NR3C2: variants seen among roughly 807,000 people sequenced by gnomAD.
NR3C2 encodes the protein mineralocorticoid receptor.
A neutral mutation model predicts 86.4 loss-of-function variants in NR3C2; 15 were observed. The observed-to-expected ratio is 0.17, with a 90% CI of 0.12 to 0.27. The LOEUF (loss-of-function observed/expected upper bound fraction) is 0.27. NR3C2 is among the 10% of genes least tolerant of loss of function. The pLI, the probability that NR3C2 is intolerant of heterozygous loss-of-function variation, is 1.00. For synonymous variants in NR3C2, 458 were observed against 450.5 expected, an observed-to-expected ratio of 1.02 and a Z score of -0.21; for missense variants, 960 against 1,195.6, an observed-to-expected ratio of 0.80 and a Z score of 2.91.
At chr4:148,135,689 C>CA (rs909414975) in intron 6 of NR3C2, among the ~76,000 whole-genome samples, 17 of 44,184 alleles carry the variant, frequency 3.8e-4, no homozygotes, top group South Asian at 9.3e-4. Context: ...GATGGAGCTG[C>CA]AAAAAAAAAG....
intron 6 of NR3C2, among the ~76,000 whole-genome samples, chr4:148,134,632 TC>T (rs1733193952): frequency 1.7e-5 from 2 of 120,266 alleles, no homozygotes; most frequent in African/African-American, 7.2e-5. Flanking sequence ...TGATTCTCTC[TC>T]TCTCTCTCTC....
chr4:148,289,577 G>A (rs1741699608), intron 2 of NR3C2, among the ~76,000 whole-genome samples: 1 of 152,036 alleles, frequency 6.6e-6, no homozygotes, highest in Non-Finnish European at 1.5e-5. Flanking sequence ...ACAATAGATG[G>A]TGTCCTAGTC....
At chr4:148,161,478 T>C (rs1054061863) in intron 4 of NR3C2, among the ~76,000 whole-genome samples, 2 of 151,978 alleles carry the variant, frequency 1.3e-5, no homozygotes, top group African/African-American at 4.8e-5. Context: ...GCCTCCCAAG[T>C]AGATGGGATT....
At chr4:148,168,070 A>C (rs186906562) in intron 4 of NR3C2, among the ~76,000 whole-genome samples, 1 of 152,344 alleles carries the variant, frequency 6.6e-6, no homozygotes, top group African/African-American at 2.4e-5. Context: ...GAAGCCAAAA[A>C]GAAAAGAGGC....
intron 2 of NR3C2, among the ~76,000 whole-genome samples, chr4:148,326,425 TA>T (rs1561044526): frequency 6.8e-6 from 1 of 147,318 alleles, no homozygotes; most frequent in Non-Finnish European, 1.5e-5. Context: ...ATAAATAAAA[TA>T]AAAAATAAAA....
At chr4:148,368,712 C>T (rs960715287) in intron 2 of NR3C2, among the ~76,000 whole-genome samples, 1 of 151,988 alleles carries the variant, frequency 6.6e-6, no homozygotes, top group Non-Finnish European at 1.5e-5. Flanking sequence ...GTATGGAAAC[C>T]AGCAATGGGG....
chr4:148,346,699 C>T (rs1348120006), intron 2 of NR3C2, among the ~76,000 whole-genome samples: 1 of 152,040 alleles, frequency 6.6e-6, no homozygotes, highest in East Asian at 1.9e-4. Flanking sequence ...TGTAAGATCT[C>T]AATTTTTATA....
rs57367662 is a variant in NR3C2 at position 148,229,442 on chromosome 4, G to C, written c.1897+30536C>G. On this transcript the variant is annotated intron_variant, in intron 3 of 8. Transcript: ENST00000358102. ...TGAGATCAGAACCTGGATTTTAGCT[G>C]AACTAAGCAGCAAAATATTCTGCAT... 1.4e-4 allele frequency among the ~76,000 whole-genome samples: 22 copies of C among 152,218 alleles called. No homozygotes were observed. The East Asian group carries it at 4.2e-3, about 29-fold the overall frequency.
At position 148,389,212 on chromosome 4, in the gene NR3C2, G is replaced by A. The variant is rs140283948; in HGVS notation, c.1757+45892C>T. ...CCAACTTGTAATTAACAGCAGTGAG[G>A]AGCCTGGTCAGGCCTTGCAGAAAAA... On this transcript the variant is annotated intron_variant, in intron 2 of 8. Coordinates refer to ENST00000358102, the MANE Select transcript of NR3C2 (RefSeq NM_000901.5). Among the ~76,000 whole-genome samples, 128 of 152,220 alleles carry A rather than the reference G, an allele frequency of 8.4e-4. No individual in the cohort carries two copies. The East Asian group carries it at 0.019, about 23-fold the overall frequency.
intron 3 of NR3C2, among the ~76,000 whole-genome samples, chr4:148,212,927 T>C (rs1022406897): frequency 6.6e-6 from 1 of 152,214 alleles, no homozygotes; most frequent in African/African-American, 2.4e-5. Context: ...CAGAACTACA[T>C]ACAATTACCT....
chr4:148,196,062 C>A (rs1417938334), intron 3 of NR3C2, among the ~76,000 whole-genome samples: 1 of 152,088 alleles, frequency 6.6e-6, no homozygotes, highest in Non-Finnish European at 1.5e-5. Context: ...GGGTAGGAGG[C>A]AATTATTGTA....
In NR3C2 at chr4:148,231,420, G is replaced by GT. The variant is rs1208211532; in HGVS notation, c.1897+28557dup. Among the ~76,000 whole-genome samples the GT allele has an allele frequency of 2.6e-5, 4 of 152,014 alleles. No homozygotes were observed. In the South Asian group the frequency reaches 8.3e-4, roughly 32 times the overall value. On this transcript the variant is annotated intron_variant, in intron 3 of 8. Coordinates refer to ENST00000358102, the MANE Select transcript of NR3C2 (RefSeq NM_000901.5). Reference sequence around the variant, plus strand: ...AACATCCCAATAAAGCAAGCACATAGTTTTTTTGGTTTCCCAGTGCATATT... The same window carrying GT: ...AACATCCCAATAAAGCAAGCACATAGTTTTTTTTGGTTTCCCAGTGCATATT...
intron 6 of NR3C2, among the ~76,000 whole-genome samples, chr4:148,142,278 G>A (rs992040655): frequency 2.6e-5 from 4 of 152,176 alleles, no homozygotes; most frequent in East Asian, 3.8e-4. Flanking sequence ...ACACTAATGC[G>A]GGCAGGAGCG....
chr4:148,165,422 AAG>A (rs1402270761), intron 4 of NR3C2, among the ~76,000 whole-genome samples: 6 of 152,130 alleles, frequency 3.9e-5, no homozygotes, highest in Admixed American at 2.6e-4. Flanking sequence ...TACACCAGGA[AAG>A]AGTTTTATCT....
intron 2 of NR3C2, among the ~76,000 whole-genome samples, chr4:148,380,991 C>G (rs892768268): frequency 6.6e-6 from 1 of 152,082 alleles, no homozygotes; most frequent in Non-Finnish European, 1.5e-5. Flanking sequence ...CTTTGGGAAG[C>G]TGAAGTGGGT....
chr4:148,203,444 AT>A (rs35115274), intron 3 of NR3C2, among the ~76,000 whole-genome samples: 4,520 of 143,102 alleles, frequency 0.032, 168 homozygotes, highest in African/African-American at 0.096. Context: ...CTGCTGCAAG[AT>A]TTTTTTTTTT....
intron 3 of NR3C2, among the ~76,000 whole-genome samples, chr4:148,237,353 T>C (rs753452792): frequency 1.3e-5 from 2 of 152,170 alleles, no homozygotes; most frequent in Non-Finnish European, 2.9e-5. Flanking sequence ...CTGGAGGTGC[T>C]CCCCAAAACT....
chr4:148,343,001 G>C (rs1344202754), intron 2 of NR3C2, among the ~76,000 whole-genome samples: 1 of 152,024 alleles, frequency 6.6e-6, no homozygotes, highest in Non-Finnish European at 1.5e-5. Flanking sequence ...CCCAATCCCG[G>C]AAAGAAAAAT....
intron 4 of NR3C2, among the ~76,000 whole-genome samples, chr4:148,174,028 A>G (rs61757938): frequency 1.6e-3 from 251 of 152,342 alleles, no homozygotes; most frequent in African/African-American, 5.6e-3. Context: ...CATTGTGTTC[A>G]CTGCTTTATG....
Sources: gnomAD v4.1 joint callset for allele counts (sites outside exome capture counted in the v4.1 genomes callset) on GRCh38, gnomAD v4.1.1 for gene constraint, MANE v1.5 for transcripts, NCBI Gene and HGNC (gene_info 2026-07-23, HGNC 2026-07-21) for gene names.